PDE11A: variants seen among roughly 807,000 people sequenced by gnomAD.
The protein encoded by PDE11A is dual 3',5'-cyclic-AMP and -GMP phosphodiesterase 11A.
In PDE11A, 100 loss-of-function variants were observed where a neutral mutation model predicts 100.5. That is an observed-to-expected ratio of 1.00 (90% CI 0.85 to 1.18). The LOEUF (loss-of-function observed/expected upper bound fraction) is 1.18. PDE11A is among the 50% of genes most tolerant of loss of function. The pLI is 0.00. For synonymous variants in PDE11A, 381 were observed against 420.8 expected, an observed-to-expected ratio of 0.91 and a Z score of 1.16; for missense variants, 1,141 against 1,152.6, an observed-to-expected ratio of 0.99 and a Z score of 0.15.
At chr2:177,850,090 C>T (rs1430459746) in intron 5 of PDE11A, among the ~76,000 whole-genome samples, 6 of 152,078 alleles carry the variant, frequency 3.9e-5, no homozygotes, top group African/African-American at 9.7e-5. Flanking sequence ...AATCCTAAGC[C>T]AAAAGAACAA....
At chr2:177,957,800 C>G (rs2085583282) in intron 2 of PDE11A, among the ~76,000 whole-genome samples, 1 of 151,854 alleles carries the variant, frequency 6.6e-6, no homozygotes, top group Non-Finnish European at 1.5e-5. Context: ...GTTTTAAAAT[C>G]TAGAAAGTCT....
intron 15 of PDE11A, among the ~76,000 whole-genome samples, chr2:177,691,820 C>G (rs1029999561): frequency 1.3e-5 from 2 of 152,178 alleles, no homozygotes; most frequent in Admixed American, 6.5e-5. Context: ...TTGTTTCTGA[C>G]TAGCTACCTC....
At chr2:178,039,482 C>A (rs887135686) in intron 1 of PDE11A, among the ~76,000 whole-genome samples, 2 of 152,012 alleles carry the variant, frequency 1.3e-5, no homozygotes, top group Non-Finnish European at 2.9e-5. Flanking sequence ...CCCCATGACA[C>A]AAGTTTACCT....
chr2:177,830,705 T>C (rs2083295691), intron 6 of PDE11A, among the ~76,000 whole-genome samples: 1 of 150,920 alleles, frequency 6.6e-6, no homozygotes, highest in South Asian at 2.1e-4. Flanking sequence ...CAATAGAAAA[T>C]TAATATACAT....
chr2:177,858,701 A>G (rs2083888145), intron 5 of PDE11A, among the ~76,000 whole-genome samples: 1 of 152,186 alleles, frequency 6.6e-6, no homozygotes, highest in Non-Finnish European at 1.5e-5. Context: ...TTCCTCAGGG[A>G]TCTAGAACTA....
intron 19 of PDE11A, among the ~76,000 whole-genome samples, chr2:177,643,393 T>C (rs2080174855): frequency 1.3e-5 from 2 of 152,206 alleles, no homozygotes; most frequent in African/African-American, 2.4e-5. Context: ...ACTCTTGTTA[T>C]GTTTTAGCAA....
intron 15 of PDE11A, among the ~76,000 whole-genome samples, chr2:177,694,266 A>T (rs2081079648): frequency 6.6e-6 from 1 of 152,154 alleles, no homozygotes; most frequent in South Asian, 2.1e-4. Context: ...CTGAGTGTTG[A>T]TATTTTTTTT....
At chr2:177,941,208 T>C (rs1489977409) in intron 2 of PDE11A, among the ~76,000 whole-genome samples, 2 of 152,202 alleles carry the variant, frequency 1.3e-5, no homozygotes, top group African/African-American at 4.8e-5. Flanking sequence ...TTTGACAGAC[T>C]AGGAAACTGT....
chr2:178,077,372 C>T (rs2087221649), upstream of PDE11A, among the ~76,000 whole-genome samples: 1 of 149,532 alleles, frequency 6.7e-6, no homozygotes, highest in African/African-American at 2.5e-5. Flanking sequence ...ATATTTGCTC[C>T]TAAATGTTTC....
At chr2:177,944,265 T>C (rs188691617) in intron 2 of PDE11A, among the ~76,000 whole-genome samples, 1 of 152,308 alleles carries the variant, frequency 6.6e-6, no homozygotes, top group Admixed American at 6.5e-5. Flanking sequence ...TATTTTACCT[T>C]AGGGCAGGAG....
rs2079854077 is a variant in PDE11A at position 177,627,475 on chromosome 2, A to T, written c.*1932T>A. The T allele has an allele frequency of 6.6e-6, 1 of 152,166 alleles. No individual in the cohort carries two copies. 9.4% of individuals were successfully genotyped at this position (152,166 alleles called of 1,614,324 possible). On this transcript the variant is annotated 3_prime_UTR_variant, in exon 20 of 20. Transcript: ENST00000286063. ...TTTCCTGAATTGTCTACTGTGTGCC[A>T]GGAAAACAATGTCGCATGTAGAACA...
At chr2:177,655,239 T>A (rs1302718331) in intron 19 of PDE11A, among the ~76,000 whole-genome samples, 2 of 152,168 alleles carry the variant, frequency 1.3e-5, no homozygotes, top group Admixed American at 1.3e-4. Context: ...AATACTAACA[T>A]ACAAAGAATG....
chr2:177,638,943 C>G (rs143249672), intron 19 of PDE11A, among the ~76,000 whole-genome samples: 11 of 152,364 alleles, frequency 7.2e-5, no homozygotes, highest in Non-Finnish European at 1.0e-4. Context: ...CATCACTAAC[C>G]TGAAGACTCA....
At position 177,747,153 on chromosome 2, in the gene PDE11A, T is replaced by C. The variant is rs148967862; in HGVS notation, c.1789-18981A>G. ...GGGAAACACTGACCTGTTGTCTCCA[T>C]ATAACAGTACTCTGAGGGTAGGATT... On this transcript the variant is annotated intron_variant, in intron 10 of 19. Coordinates refer to ENST00000286063, the MANE Select transcript of PDE11A (RefSeq NM_016953.4). Among the ~76,000 whole-genome samples the C allele has an allele frequency of 9.1e-4, 139 of 152,286 alleles. No individual in the cohort carries two copies. The Middle Eastern group carries it at 0.014, about 15-fold the overall frequency.
chr2:177,697,915 T>C (rs868612346), intron 14 of PDE11A, among the ~76,000 whole-genome samples: 14 of 152,330 alleles, frequency 9.2e-5, no homozygotes, highest in Middle Eastern at 3.4e-3. Flanking sequence ...GGTTCTCAGC[T>C]GGGGGCCGTT....
chr2:177,724,852 A>G (rs2105443703), intron 12 of PDE11A, among the ~76,000 whole-genome samples: 1 of 152,106 alleles, frequency 6.6e-6, no homozygotes, highest in African/African-American at 2.4e-5. Flanking sequence ...TTTGCCTTGG[A>G]GCGCCATCTA....
intron 2 of PDE11A, among the ~76,000 whole-genome samples, chr2:177,923,240 A>C (rs1022868488): frequency 6.6e-6 from 1 of 152,156 alleles, no homozygotes; most frequent in South Asian, 2.1e-4. Context: ...GCAGTGGCAC[A>C]GTCACAGTTC....
intron 18 of PDE11A, among the ~76,000 whole-genome samples, chr2:177,668,851 A>G (rs1244277976): frequency 6.6e-6 from 1 of 152,178 alleles, no homozygotes; most frequent in Non-Finnish European, 1.5e-5. Context: ...GTTTTTAGCT[A>G]ATCATTGGTT....
chr2:177,836,639 T>A (rs936190683), intron 6 of PDE11A, among the ~76,000 whole-genome samples: 5 of 152,206 alleles, frequency 3.3e-5, no homozygotes, highest in African/African-American at 1.2e-4. Context: ...CTCTTTGCAA[T>A]AAATCTTGCT....
Sources: gnomAD v4.1 joint callset for allele counts (sites outside exome capture counted in the v4.1 genomes callset) on GRCh38, gnomAD v4.1.1 for gene constraint, MANE v1.5 for transcripts, NCBI Gene and HGNC (gene_info 2026-07-23, HGNC 2026-07-21) for gene names.